The following ADCY7 variants were observed in gnomAD, a reference collection of about 807,000 sequenced individuals.
ADCY7 encodes adenylate cyclase type 7.
Under a neutral mutation model 120.6 loss-of-function variants are expected in ADCY7, and 72 were observed. The observed-to-expected ratio is 0.60, with a 90% CI of 0.49 to 0.73. ADCY7 has a LOEUF of 0.73. Ranked by LOEUF, ADCY7 falls within the 30% of genes least tolerant of loss-of-function variation. ADCY7 has a pLI of 0.00. For synonymous variants in ADCY7, 661 were observed against 628.0 expected, an observed-to-expected ratio of 1.05 and a Z score of -0.78; for missense variants, 1,227 against 1,486.0, an observed-to-expected ratio of 0.83 and a Z score of 2.87.
At chr16:50,314,867 G>A (rs1276134785) in intron 24 of ADCY7, 147 bp from the exon 25 acceptor site, 24 of 1,092,012 alleles carry the variant, frequency 2.2e-5, no homozygotes, top group South Asian at 8.1e-5. Context: ...CGACTGCAAC[G>A]CAGTGACTCT....
chr16:50,260,967 G>A (rs1175761643), intron 1 of ADCY7, among the ~76,000 whole-genome samples: 1 of 152,208 alleles, frequency 6.6e-6, no homozygotes, highest in East Asian at 1.9e-4. Context: ...AGACATGAGT[G>A]CCAGGGGACA....
chr16:50,297,805 C>A lies in ADCY7; in HGVS notation c.949-1099C>A, dbSNP rs752698233. On this transcript the variant is annotated intron_variant, in intron 7 of 25. Coordinates refer to ENST00000673801, the MANE Select transcript of ADCY7 (RefSeq NM_001114.5). The surrounding 1 kb of genome is among the most constrained non-coding windows in gnomAD (Gnocchi z 4.4). Reference sequence around the variant, plus strand: ...CCTGCAGGACAGAGCCCTCTTAGCTCCCTCCTGGCCAGAAGCCAGAGCACA... The same window carrying A: ...CCTGCAGGACAGAGCCCTCTTAGCTACCTCCTGGCCAGAAGCCAGAGCACA... Among the ~76,000 whole-genome samples, 6 of 152,186 alleles carry A rather than the reference C, an allele frequency of 3.9e-5. No individual in the cohort carries two copies. Among genetic ancestry groups the A allele is most frequent in the Non-Finnish European group, 7.3e-5 (5 of 68,028 alleles).
At chr16:50,263,607 C>T (rs934825949), upstream of ADCY7, among the ~76,000 whole-genome samples, 2 of 152,134 alleles carry the variant, frequency 1.3e-5, no homozygotes, top group Admixed American at 6.5e-5. Context: ...CTGGAAAGCC[C>T]AGGGCCCCAT....
At chr16:50,305,392 C>A in intron 12 of ADCY7, 111 bp from the exon 13 acceptor site, 1 of 943,596 alleles carries the variant, frequency 1.1e-6, no homozygotes, top group Non-Finnish European at 1.7e-6. Context: ...CCCATTCCTT[C>A]ACCATCCCAC....
intron 7 of ADCY7, 49 bp downstream of exon 7, chr16:50,294,800 A>G: frequency 1.5e-6 from 2 of 1,349,822 alleles, no homozygotes; most frequent in Non-Finnish European, 2.1e-6. Flanking sequence ...TCCCCTGCCT[A>G]TTACACCCCA....
chr16:50,308,825 G>A (rs778936020), intron 17 of ADCY7, 33 bp downstream of exon 17: 2 of 1,575,500 alleles, frequency 1.3e-6, no homozygotes, highest in Admixed American at 3.5e-5. Context: ...AGGCCTCCGG[G>A]GTAGAGGGAG....
At chr16:50,298,561 T>C (rs1290873310) in intron 7 of ADCY7, among the ~76,000 whole-genome samples, 2 of 152,222 alleles carry the variant, frequency 1.3e-5, no homozygotes, top group African/African-American at 2.4e-5. Context: ...GATTTGCATC[T>C]ATTTTGTTCA....
chr16:50,310,797 G>C lies in ADCY7; in HGVS notation c.2271G>C (p.Val757=). 6.2e-7 allele frequency: 1 copy of C among 1,614,142 alleles called. No homozygotes were observed. The highest frequency in any genetic ancestry group is 8.5e-7 in the Non-Finnish European group (1 of 1,180,018). The stretch of plus-strand genomic sequence containing the variant: ...CAGTGGCCCTGGTGGCCTACCTGGT[G>C]CTCTTCAACCTCTCCCCATGCTGGC... The part of the protein sequence containing the change: ...LLTVALVAYL[V]LFNLSPCWQW... The change falls in exon 19 of 26, where the codon GTG becomes GTC. Residue 757 remains valine, a synonymous_variant. Transcript: ENST00000673801.
At chr16:50,291,962 G>A (rs1446127016) in intron 4 of ADCY7, 65 bp downstream of exon 4, 4 of 1,517,384 alleles carry the variant, frequency 2.6e-6, no homozygotes, top group African/African-American at 1.4e-5. Flanking sequence ...AGATGGGGGG[G>A]CCCCCTCTGG....
chr16:50,267,402 G>C (rs893955194), intron 1 of ADCY7, among the ~76,000 whole-genome samples: 3 of 152,218 alleles, frequency 2.0e-5, no homozygotes, highest in Non-Finnish European at 4.4e-5. Context: ...TCCCTGGACA[G>C]CCATTGCTGG....
intron 1 of ADCY7, among the ~76,000 whole-genome samples, chr16:50,254,297 CCT>C (rs983622067): frequency 1.1e-4 from 16 of 152,280 alleles, no homozygotes; most frequent in African/African-American, 3.6e-4. Flanking sequence ...CTGGGAGCTG[CCT>C]CTCCTCCCAC....
intron 1 of ADCY7, among the ~76,000 whole-genome samples, chr16:50,261,290 A>G (rs1384805989): frequency 6.6e-6 from 1 of 152,178 alleles, no homozygotes; most frequent in Non-Finnish European, 1.5e-5. Context: ...GCTTCCTGGT[A>G]GAGGCGGCAC....
intron 1 of ADCY7, among the ~76,000 whole-genome samples, chr16:50,258,595 AT>A (rs5816685): frequency 0.48 from 66,472 of 139,870 alleles, 15,698 homozygotes; most frequent in Non-Finnish European, 0.56. Context: ...TTAAGGTAGT[AT>A]TTTTTTTTTT....
In ADCY7 at chr16:50,308,649, G is replaced by T; in HGVS notation, c.1936-18G>T. Reference sequence around the variant, plus strand: ...CCAGGCTGTTGGCTCTGGGTGACTTGACCCTGTTACCCCACAGAGGTGCTG... The same window carrying T: ...CCAGGCTGTTGGCTCTGGGTGACTTTACCCTGTTACCCCACAGAGGTGCTG... On this transcript the variant is annotated intron_variant, in intron 16 of 25. Coordinates refer to ENST00000673801, the MANE Select transcript of ADCY7 (RefSeq NM_001114.5). 1 of 1,602,618 alleles carries T rather than the reference G, an allele frequency of 6.2e-7. No individual in the cohort carries two copies.
At chr16:50,276,489 C>T (rs1016787002) in intron 1 of ADCY7, among the ~76,000 whole-genome samples, 2 of 152,240 alleles carry the variant, frequency 1.3e-5, no homozygotes, top group Admixed American at 1.3e-4. Context: ...CCAACTGAAT[C>T]CTTTCAAAAT....
At chr16:50,311,400 C>A (rs1409534090) in intron 19 of ADCY7, among the ~76,000 whole-genome samples, 2 of 152,208 alleles carry the variant, frequency 1.3e-5, no homozygotes, top group African/African-American at 2.4e-5. Context: ...CACCCCACCC[C>A]GCCTGCCACT....
At chr16:50,312,493 C>T (rs1165878272) in intron 21 of ADCY7, among the ~76,000 whole-genome samples, 1 of 152,158 alleles carries the variant, frequency 6.6e-6, no homozygotes, top group East Asian at 1.9e-4. Flanking sequence ...AATGTGTGTT[C>T]AGGGGTTTGT....
intron 1 of ADCY7, among the ~76,000 whole-genome samples, chr16:50,286,161 G>A (rs1218069423): frequency 6.6e-6 from 1 of 151,818 alleles, no homozygotes; most frequent in Non-Finnish European, 1.5e-5. Context: ...CGGAGGCTGA[G>A]GAGGGTAGAT....
chr16:50,303,261 G>A lies in ADCY7; in HGVS notation c.1369-1099G>A, dbSNP rs144327469. 2.3e-4 allele frequency among the ~76,000 whole-genome samples: 35 copies of A among 152,330 alleles called. No individual in the cohort carries two copies. The East Asian group carries it at 6.2e-3, about 27-fold the overall frequency. On this transcript the variant is annotated intron_variant, in intron 10 of 25. Transcript: ENST00000673801. ...CTCTTCCTGCTCTGGGACACTCACC[G>A]AGGCTGAATTCCACGTGGCTCCCGT...
Sources: gnomAD v4.1 joint callset for allele counts (sites outside exome capture counted in the v4.1 genomes callset) on GRCh38, gnomAD v4.1.1 for gene constraint, Gnocchi (gnomAD v3.1) non-coding constraint, MANE v1.5 for transcripts, NCBI Gene and HGNC (gene_info 2026-07-23, HGNC 2026-07-21) for gene names.